Variants in LARS1 observed in about 807,000 individuals in gnomAD.
LARS1 encodes the protein leucyl-tRNA synthetase 1.
A neutral mutation model predicts 162.8 loss-of-function variants in LARS1; 100 were observed. The observed-to-expected ratio is 0.61, with a 90% CI of 0.52 to 0.73. The LOEUF (loss-of-function observed/expected upper bound fraction) is 0.73, where lower values mean the gene tolerates loss of function less well. LARS1 is among the 30% of genes least tolerant of loss of function. The pLI is 0.00. For synonymous variants in LARS1, 457 were observed against 462.8 expected, an observed-to-expected ratio of 0.99 and a Z score of 0.16; for missense variants, 1,258 against 1,408.9, an observed-to-expected ratio of 0.89 and a Z score of 1.71.
rs1258190495 is a variant in LARS1, at chr5:146,113,898, T to C, written c.*208A>G. 3.7e-6 allele frequency: 2 copies of C among 538,320 alleles called. No individual in the cohort carries two copies. The highest frequency in any genetic ancestry group is 1.9e-5 in the African/African-American group (1 of 53,008). The allele number at this position is 538,320 out of a possible 1,614,324, so 33.3% of individuals were successfully genotyped here. On this transcript the variant is annotated 3_prime_UTR_variant, in exon 32 of 32. Transcript: ENST00000394434. ...AAGAGTTTGGCAAAAACCATTTCTC[T>C]TGGACACCCAAAGAAAGGGAAAAAA...
At position 146,140,275 on chromosome 5, in the gene LARS1, T is replaced by C; in HGVS notation, c.2091-14A>G. 1.9e-6 allele frequency: 3 copies of C among 1,594,674 alleles called. No homozygotes were observed. The highest frequency in any genetic ancestry group is 2.6e-6 in the Non-Finnish European group (3 of 1,163,224). ...GGCCATTTGTCACTTCACAGATAAA[T>C]GTTTAAAGATAGAAAATAAAAAAAC... On this transcript the variant is annotated splice_polypyrimidine_tract_variant and intron_variant, in intron 20 of 31. Coordinates refer to ENST00000394434, the MANE Select transcript of LARS1 (RefSeq NM_020117.11).
chr5:146,157,354 T>A, intron 10 of LARS1, 49 bp downstream of exon 10: 1 of 1,498,194 alleles, frequency 6.7e-7, no homozygotes, highest in African/African-American at 1.4e-5. Context: ...TTGTTGAAAT[T>A]TTCCTTGAAA....
At position 146,168,260 on chromosome 5, in the gene LARS1, A is replaced by G. The variant is rs1217935149; in HGVS notation, c.300T>C (p.Cys100=). The change falls in exon 5 of 32, where the codon TGT becomes TGC. Residue 100 remains cysteine (C), a synonymous_variant. Transcript: ENST00000394434. The part of the protein sequence containing the change: ...LHCTGMPIKA[C]ADKLKREIEL... ...CTATTTCTCTTTTCAACTTATCAGC[A>G]CATGCCTACAACGAATATTAGAGAT... 8 of 1,607,230 alleles carry G rather than the reference A, an allele frequency of 5.0e-6. No individual in the cohort carries two copies. The highest frequency in any genetic ancestry group is 1.1e-5 in the South Asian group (1 of 89,236).
Position 146,151,888 on chromosome 5 carries a change from T to G in LARS1, c.1399A>C (p.Ile467Leu). ...REKLAEAKEK[I>L]YLKGFYEGIM... Reference sequence around the variant, plus strand: ...CCCTCATAAAATCCTTTTAGATATATCTTCTCCTTTGCTTCTGCAAGTTTT... The same window carrying G: ...CCCTCATAAAATCCTTTTAGATATAGCTTCTCCTTTGCTTCTGCAAGTTTT... The change falls in exon 14 of 32, where the codon ATA (isoleucine) becomes CTA (leucine). Residue 467 changes from isoleucine to leucine, a missense_variant. Coordinates refer to ENST00000394434, the MANE Select transcript of LARS1 (RefSeq NM_020117.11). The G allele has an allele frequency of 6.2e-7, 1 of 1,613,962 alleles. No homozygotes were observed. Among genetic ancestry groups the G allele is most frequent in the Non-Finnish European group, 8.5e-7 (1 of 1,179,932 alleles).
At position 146,144,533 on chromosome 5, in the gene LARS1, A is replaced by G; in HGVS notation, c.1594T>C (p.Leu532=). The G allele has an allele frequency of 6.2e-7, 1 of 1,613,724 alleles. No individual in the cohort carries two copies. The highest frequency in any genetic ancestry group is 8.5e-7 in the Non-Finnish European group (1 of 1,179,896). The part of the protein sequence containing the change: ...CVVALCDQWY[L]DYGEENWKKQ... ...TTCCAATTCTCTTCTCCATAATCCA[A>G]GTACCTGGGAGTGGACAAATTGATA... Residue 532 remains leucine (L), a synonymous_variant, in exon 17 of 32, where the codon TTG becomes CTG. Transcript: ENST00000394434.
intron 25 of LARS1, 60 bp downstream of exon 25, chr5:146,129,958 C>A: frequency 6.6e-7 from 1 of 1,521,958 alleles, no homozygotes; most frequent in Admixed American, 2.0e-5. Flanking sequence ...ATTAGCACAA[C>A]ACTTATTTAA....
Position 146,114,030 on chromosome 5 carries a change from T to C in LARS1, c.*76A>G. ...TCTATTTAGGTCCAGCCTAAGGTTC[T>C]GATAGCCAATCAGTAGACACAATCA... On this transcript the variant is annotated 3_prime_UTR_variant, in exon 32 of 32. Transcript: ENST00000394434. The C allele has an allele frequency of 8.8e-7, 1 of 1,130,400 alleles. No individual in the cohort carries two copies. Among genetic ancestry groups the C allele is most frequent in the Non-Finnish European group, 1.3e-6 (1 of 744,322 alleles). The allele number at this position is 1,130,400 out of a possible 1,614,324, so 70.0% of individuals were successfully genotyped here. A position where few individuals can be genotyped will look rare whatever the true frequency, so the allele number is the denominator to read the frequency against.
intron 1 of LARS1, among the ~76,000 whole-genome samples, chr5:146,180,553 T>G (rs1023756574): frequency 6.6e-6 from 1 of 152,152 alleles, no homozygotes; most frequent in Admixed American, 6.6e-5. Context: ...ATGTCACCCA[T>G]TGTAAAGAAG....
Position 146,130,014 on chromosome 5 carries a change from G to T in LARS1, c.2628+4C>A. On this transcript the variant is annotated splice_donor_region_variant and intron_variant, in intron 25 of 31. Coordinates refer to ENST00000394434, the MANE Select transcript of LARS1 (RefSeq NM_020117.11). ...CTCGAAACATTTTAAATGCATGAAG[G>T]TACCTTTCCCAGGAGTGTCCAGATG... is the stretch of plus-strand genomic sequence containing the variant. 6.2e-7 allele frequency: 1 copy of T among 1,600,446 alleles called. No individual in the cohort carries two copies. Among genetic ancestry groups the T allele is most frequent in the East Asian group, 2.2e-5 (1 of 44,664 alleles).
intron 8 of LARS1, 73 bp downstream of exon 8, chr5:146,159,334 G>C: frequency 8.2e-7 from 1 of 1,217,554 alleles, no homozygotes; most frequent in East Asian, 2.4e-5. Context: ...GTTATTTTTA[G>C]GTTTCTATTT....
chr5:146,122,651 C>T (rs949431949), intron 29 of LARS1, 64 bp from the exon 30 acceptor site: 7 of 808,822 alleles, frequency 8.7e-6, no homozygotes, highest in South Asian at 1.8e-5. Context: ...TTAATCATCA[C>T]CTCATTTCAC....
chr5:146,121,677 G>GGA (rs1751825322), intron 30 of LARS1, among the ~76,000 whole-genome samples: 1 of 152,090 alleles, frequency 6.6e-6, no homozygotes, highest in Non-Finnish European at 1.5e-5. Flanking sequence ...TCCTTTGTAG[G>GGA]GACATGGATA....
At chr5:146,138,907 C>A in intron 21 of LARS1, 1 of 310,734 alleles carries the variant, frequency 3.2e-6, no homozygotes, top group East Asian at 8.8e-5. Flanking sequence ...AACTCAGGCC[C>A]ACGGGAACAG....
At chr5:146,116,771 C>T (rs1764231537) in intron 31 of LARS1, among the ~76,000 whole-genome samples, 1 of 152,118 alleles carries the variant, frequency 6.6e-6, no homozygotes, top group African/African-American at 2.4e-5. Context: ...TACTCAGTGG[C>T]CTTTGTGGAA....
intron 7 of LARS1, 109 bp from the exon 8 acceptor site, chr5:146,159,579 C>T (rs1753686694): frequency 4.0e-6 from 3 of 747,132 alleles, no homozygotes; most frequent in Non-Finnish European, 7.0e-6. Context: ...ACTAGAATTT[C>T]TGAGTAGATA....
Position 146,151,843 on chromosome 5 carries a change from A to T in LARS1, c.1425+19T>A, listed in dbSNP as rs1159230340. 1.3e-6 allele frequency: 2 copies of T among 1,585,648 alleles called. No individual in the cohort carries two copies. Among genetic ancestry groups the T allele is most frequent in the East Asian group, 2.2e-5 (1 of 44,710 alleles). On this transcript the variant is annotated intron_variant, in intron 14 of 31. Transcript: ENST00000394434. ...GCATGGAGTAAAGCAAATAAAAACT[A>T]AAAAAAATTATTACTTACACCCTCA...
At chr5:146,160,999 T>C (rs139048844) in intron 6 of LARS1, among the ~76,000 whole-genome samples, 79 of 152,252 alleles carry the variant, frequency 5.2e-4, no homozygotes, top group Middle Eastern at 3.4e-3. Context: ...CACACAAATA[T>C]ACAGACATAT....
intron 2 of LARS1, among the ~76,000 whole-genome samples, chr5:146,173,192 T>C (rs1754353480): frequency 2.0e-5 from 3 of 151,934 alleles, no homozygotes; most frequent in Admixed American, 2.0e-4. Flanking sequence ...TACTAAAAAC[T>C]AGCCGGGCGT....
At chr5:146,158,323 T>C (rs1753622069) in intron 8 of LARS1, among the ~76,000 whole-genome samples, 1 of 152,216 alleles carries the variant, frequency 6.6e-6, no homozygotes, top group Non-Finnish European at 1.5e-5. Flanking sequence ...TGCCATTGGC[T>C]ATATTAAAAC....
Sources: gnomAD v4.1 joint callset for allele counts (sites outside exome capture counted in the v4.1 genomes callset) on GRCh38, gnomAD v4.1.1 for gene constraint, MANE v1.5 for transcripts, NCBI Gene and HGNC (gene_info 2026-07-23, HGNC 2026-07-21) for gene names.